The following ATR variants were observed in gnomAD, a reference collection of about 807,000 sequenced individuals.
The protein encoded by ATR is serine/threonine-protein kinase ATR.
ATR carries 142 observed loss-of-function variants against 305.3 expected under a neutral mutation model. The observed-to-expected ratio is 0.47, with a 90% CI of 0.41 to 0.53. The LOEUF is 0.53. Among genes scored for constraint, ATR ranks in the 20% least tolerant of loss-of-function variants. ATR has a pLI of 0.00. For synonymous variants in ATR, 1,050 were observed against 1,068.1 expected (o/e 0.98, Z 0.33); for missense variants, 2,135 against 3,133.1 (o/e 0.68, Z 7.60).
intron 29 of ATR, among the ~76,000 whole-genome samples, chr3:142,503,738 T>C (rs1452648361): frequency 6.6e-6 from 1 of 152,148 alleles, no homozygotes; most frequent in Admixed American, 6.6e-5. Context: ...AATTTAACAA[T>C]TGATTTGCTT....
At chr3:142,566,373 C>A in intron 2 of ATR, 112 bp from the exon 3 acceptor site, 1 of 1,190,354 alleles carries the variant, frequency 8.4e-7, no homozygotes, top group East Asian at 2.5e-5. Context: ...AACCCCTGTA[C>A]TTTGGGAGGC....
chr3:142,470,033 A>T, intron 37 of ATR, 53 bp downstream of exon 37: 1 of 1,420,558 alleles, frequency 7.0e-7, no homozygotes, highest in Non-Finnish European at 9.8e-7. Context: ...ATCTGACTTT[A>T]TACCAAAGTT....
intron 9 of ATR, 104 bp downstream of exon 9, chr3:142,556,279 T>C (rs1479043276): frequency 1.1e-5 from 17 of 1,480,284 alleles, no homozygotes; most frequent in South Asian, 2.5e-5. Flanking sequence ...AAAAGCAACA[T>C]TTGCTTTACA....
At chr3:142,451,203 A>G in intron 46 of ATR, 1 of 1,186,714 alleles carries the variant, frequency 8.4e-7, no homozygotes, top group Non-Finnish European at 1.1e-6. Context: ...ATCGAGGTGC[A>G]GTACCACCTG....
intron 8 of ATR, among the ~76,000 whole-genome samples, chr3:142,556,807 C>G (rs1356532870): frequency 1.3e-5 from 2 of 151,998 alleles, no homozygotes; most frequent in Non-Finnish European, 2.9e-5. Context: ...CAAGGAAATG[C>G]AAATTGAAAA....
At chr3:142,558,577 G>C in intron 8 of ATR, 47 bp downstream of exon 8, 2 of 1,481,350 alleles carry the variant, frequency 1.4e-6, no homozygotes, top group Non-Finnish European at 1.9e-6. Flanking sequence ...TAGATAGATA[G>C]ATAGATAAAT....
chr3:142,520,877 A>G (rs1402971510), intron 23 of ATR, among the ~76,000 whole-genome samples: 2 of 152,214 alleles, frequency 1.3e-5, no homozygotes, highest in Non-Finnish European at 2.9e-5. Context: ...AAATCATTCT[A>G]TTCTGTTGGA....
intron 29 of ATR, among the ~76,000 whole-genome samples, chr3:142,504,267 T>C (rs910688997): frequency 2.0e-5 from 3 of 152,164 alleles, no homozygotes; most frequent in African/African-American, 7.2e-5. Flanking sequence ...AGTAGGTGTA[T>C]AAAATATGAA....
rs547258114 is a variant in ATR, at chr3:142,499,067, G to C, written c.5381-293C>G. 176 of 416,456 alleles carry C rather than the reference G, an allele frequency of 4.2e-4. 2 individuals are homozygous for C. Among genetic ancestry groups the C allele is most frequent in the African/African-American group, 3.4e-3 (169 of 49,354 alleles). 25.8% of individuals were successfully genotyped at this position (416,456 alleles called of 1,614,324 possible). On this transcript the variant is annotated intron_variant, in intron 31 of 46. Coordinates refer to ENST00000350721, the MANE Select transcript of ATR (RefSeq NM_001184.4). ...AAGTTTTTTAAAAAACATTTTTGCA[G>C]AGACAGTCTCAGTATTTTGCCCAGA... is the stretch of plus-strand genomic sequence containing the variant.
chr3:142,479,236 T>C (rs1559922957), intron 36 of ATR, among the ~76,000 whole-genome samples: 1 of 152,228 alleles, frequency 6.6e-6, no homozygotes, highest in Non-Finnish European at 1.5e-5. Flanking sequence ...CGATTGTTCC[T>C]TTCCATGTTT....
intron 36 of ATR, among the ~76,000 whole-genome samples, chr3:142,479,074 T>G (rs1285396284): frequency 1.3e-5 from 2 of 152,176 alleles, no homozygotes; most frequent in Non-Finnish European, 2.9e-5. Context: ...ACTGGAGCAT[T>G]TAGCCCATTT....
rs2034095125 is a variant in ATR at position 142,542,650 on chromosome 3, A to G, written c.3450+15T>C. On this transcript the variant is annotated intron_variant, in intron 17 of 46. Transcript: ENST00000350721. ...ATGAATTCTATCTTAGCACTCTGGA[A>G]CTATCACCACTTACCATTTTCTTAT... The G allele has an allele frequency of 3.8e-6, 6 of 1,597,742 alleles. No homozygotes were observed. The highest frequency in any genetic ancestry group is 2.7e-5 in the African/African-American group (2 of 74,504).
Position 142,452,224 on chromosome 3 carries a change from T to G in ATR, c.7761+904A>C, listed in dbSNP as rs978022146. 10 of 996,652 alleles carry G rather than the reference T, an allele frequency of 1.0e-5. No individual in the cohort carries two copies. The African/African-American group carries it at 1.6e-4, about 16-fold the overall frequency. The allele number at this position is 996,652 out of a possible 1,614,324, so 61.7% of individuals were successfully genotyped here. A position where few individuals can be genotyped will look rare whatever the true frequency, so the allele number is the denominator to read the frequency against. On this transcript the variant is annotated intron_variant, in intron 46 of 46. Transcript: ENST00000350721. ...CAGTAGGATGAAAGTGGACTTAAAC[T>G]CTTTAGGTAGTTAACTGGAATGTAA... is the stretch of plus-strand genomic sequence containing the variant.
chr3:142,553,403 A>G lies in ATR; in HGVS notation c.2634-5T>C. On this transcript the variant is annotated splice_polypyrimidine_tract_variant and splice_region_variant and intron_variant, in intron 12 of 46. Transcript: ENST00000350721. ...ACCAAATCTCCTTTTGCGGCCCTAA[A>G]ATTAAAAACAACATACATATGAATA... 6.2e-7 allele frequency: 1 copy of G among 1,612,206 alleles called. No individual in the cohort carries two copies. Among genetic ancestry groups the G allele is most frequent in the Non-Finnish European group, 8.5e-7 (1 of 1,178,834 alleles).
chr3:142,500,190 G>A (rs1228028853), intron 30 of ATR: 1 of 163,928 alleles, frequency 6.1e-6, no homozygotes, highest in African/African-American at 2.4e-5. Context: ...CAGTTGGGAG[G>A]TATCTAGAAC....
intron 12 of ATR, 86 bp from the exon 13 acceptor site, chr3:142,553,484 T>C: frequency 2.0e-6 from 3 of 1,487,992 alleles, no homozygotes; most frequent in Non-Finnish European, 2.8e-6. Flanking sequence ...ATCTCCAATA[T>C]CCCAGAAACA....
At chr3:142,533,487 T>C (rs2033740354) in intron 21 of ATR, among the ~76,000 whole-genome samples, 1 of 152,212 alleles carries the variant, frequency 6.6e-6, no homozygotes, top group African/African-American at 2.4e-5. Context: ...CTTAATTCAA[T>C]TGTATTCAAC....
chr3:142,482,762 G>C (rs1052319921), intron 36 of ATR, among the ~76,000 whole-genome samples: 1 of 151,218 alleles, frequency 6.6e-6, no homozygotes, highest in African/African-American at 2.4e-5. Flanking sequence ...CTTGAGCCCA[G>C]AGTTCAAGGT....
At chr3:142,500,909 A>G (rs538585180) in intron 30 of ATR, among the ~76,000 whole-genome samples, 1 of 152,302 alleles carries the variant, frequency 6.6e-6, no homozygotes, top group South Asian at 2.1e-4. Flanking sequence ...CAGATTATCT[A>G]TGGGATATCA....
Sources: allele counts gnomAD v4.1 joint callset (sites outside exome capture counted in the v4.1 genomes callset), GRCh38; gene constraint gnomAD v4.1.1; transcripts MANE v1.5; gene names NCBI Gene and HGNC (gene_info 2026-07-23, HGNC 2026-07-21).